Variants in DCAF8L2 observed in about 807,000 individuals in gnomAD.
DCAF8L2 encodes the protein DDB1- and CUL4-associated factor 8-like protein 2.
For missense variants in DCAF8L2, 430 were observed against 490.7 expected (o/e 0.88, Z 1.17); for synonymous variants, 200 against 190.9 (o/e 1.05, Z -0.39).
chrX:27,490,099 A>T, the DCAF8L2 span, among the ~76,000 whole-genome samples: 1 of 109,892 alleles, frequency 9.1e-6, no homozygotes, highest in South Asian at 3.8e-4. Context: ...CTGGTCTGAA[A>T]CTCCTGGGCT....
At chrX:27,626,800 A>G (rs954603382) in intron 1 of DCAF8L2, among the ~76,000 whole-genome samples, 2 of 111,805 alleles carry the variant, frequency 1.8e-5, no homozygotes, top group Admixed American at 1.9e-4. Context: ...TATAGGATTG[A>G]TTTAAAGGCA....
At chrX:27,620,458 A>G (rs958498646) in intron 1 of DCAF8L2, among the ~76,000 whole-genome samples, 2 of 111,998 alleles carry the variant, frequency 1.8e-5, no homozygotes, top group Non-Finnish European at 3.8e-5. Context: ...GGGAGAAAAT[A>G]TTTTCAAACC....
the DCAF8L2 span, among the ~76,000 whole-genome samples, chrX:27,507,479 A>G: frequency 1.8e-5 from 2 of 112,158 alleles, no homozygotes; most frequent in South Asian, 7.3e-4. Flanking sequence ...AGCGCAAACT[A>G]TAAAAGTGTT....
the DCAF8L2 span, among the ~76,000 whole-genome samples, chrX:27,564,550 AC>A: frequency 9.0e-6 from 1 of 110,855 alleles, no homozygotes. Flanking sequence ...ACACACACAC[AC>A]ACACACAGAA....
At chrX:27,615,963 T>C (rs887342277) in intron 1 of DCAF8L2, among the ~76,000 whole-genome samples, 8 of 111,179 alleles carry the variant, frequency 7.2e-5, no homozygotes, top group African/African-American at 1.3e-4. Context: ...ATAAGATAGA[T>C]AGATGGAAGA....
chrX:27,589,630 T>G (rs1925989459), upstream of DCAF8L2, among the ~76,000 whole-genome samples: 1 of 112,031 alleles, frequency 8.9e-6, no homozygotes, highest in Non-Finnish European at 1.9e-5. Context: ...TTATTTGAAT[T>G]TTATCTTCCC....
the DCAF8L2 span, among the ~76,000 whole-genome samples, chrX:27,527,546 G>A: frequency 9.9e-5 from 11 of 111,460 alleles, no homozygotes; most frequent in Admixed American, 6.7e-4. Context: ...CCCACTGTCC[G>A]ACAAGCCCCA....
chrX:27,505,566 A>G, the DCAF8L2 span, among the ~76,000 whole-genome samples: 1 of 111,667 alleles, frequency 9.0e-6, no homozygotes, highest in African/African-American at 3.2e-5. Flanking sequence ...TGATCACACA[A>G]TAGTATGGTA....
intron 1 of DCAF8L2, among the ~76,000 whole-genome samples, chrX:27,598,970 A>AT (rs1454052658): frequency 1.6e-3 from 131 of 82,233 alleles, no homozygotes; most frequent in East Asian, 0.011. Flanking sequence ...CAAAAAAAAA[A>AT]AAAAATATAT....
At chrX:27,696,268 GAGAAAGAA>G (rs565370286) in intron 3 of DCAF8L2, among the ~76,000 whole-genome samples, 7,669 of 74,599 alleles carry the variant, frequency 0.1, 406 homozygotes, top group South Asian at 0.14. Flanking sequence ...AAGAGAGAGA[GAGAAAGAA>G]AGAAAGAAAG....
chrX:27,690,365 C>T (rs1309129859), intron 3 of DCAF8L2, among the ~76,000 whole-genome samples: 1 of 111,377 alleles, frequency 9.0e-6, no homozygotes, highest in African/African-American at 3.3e-5. Context: ...GTAAATTAGG[C>T]TGGCTAAAAA....
intron 4 of DCAF8L2, among the ~76,000 whole-genome samples, chrX:27,741,562 C>A (rs908629769): frequency 3.6e-5 from 4 of 111,377 alleles, no homozygotes; most frequent in African/African-American, 1.3e-4. Context: ...GCTGCCTGTT[C>A]TGGATAAAAC....
At chrX:27,581,867 A>G in the DCAF8L2 span, among the ~76,000 whole-genome samples, 1 of 112,408 alleles carries the variant, frequency 8.9e-6, no homozygotes, top group African/African-American at 3.2e-5. Context: ...TACAGGCGTG[A>G]GCCGCTGTGC....
chrX:27,533,206 GAA>G, the DCAF8L2 span, among the ~76,000 whole-genome samples: 179 of 48,705 alleles, frequency 3.7e-3, 7 homozygotes, highest in African/African-American at 8.9e-3. Flanking sequence ...AAGAAAGAAA[GAA>G]AGAAAGAAAG....
intron 3 of DCAF8L2, among the ~76,000 whole-genome samples, chrX:27,713,346 TGAG>T (rs940568244): frequency 7.2e-5 from 8 of 111,588 alleles, no homozygotes; most frequent in African/African-American, 2.3e-4. Flanking sequence ...TGAAATAAGA[TGAG>T]GACTGAAAAT....
At chrX:27,579,072 A>G in the DCAF8L2 span, among the ~76,000 whole-genome samples, 1 of 111,869 alleles carries the variant, frequency 8.9e-6, no homozygotes, top group South Asian at 3.7e-4. Flanking sequence ...TACCCCAAAG[A>G]ATACAAATCA....
chrX:27,484,569 A>G, the DCAF8L2 span, among the ~76,000 whole-genome samples: 1 of 111,706 alleles, frequency 9.0e-6, no homozygotes, highest in Non-Finnish European at 1.9e-5. Context: ...ATTAGAATCA[A>G]ATCAGTCTTA....
intron 3 of DCAF8L2, among the ~76,000 whole-genome samples, chrX:27,678,905 T>C (rs1188682099): frequency 8.9e-6 from 1 of 111,757 alleles, no homozygotes; most frequent in Non-Finnish European, 1.9e-5. Flanking sequence ...AGGCTAAAGA[T>C]GTAAATGAAA....
chrX:27,697,610 T>A (rs1233944001), intron 3 of DCAF8L2, among the ~76,000 whole-genome samples: 3 of 111,699 alleles, frequency 2.7e-5, no homozygotes, highest in Non-Finnish European at 5.6e-5. Context: ...CTACTCTTTT[T>A]ATTTTTTTAC....
Sources: allele counts gnomAD v4.1 joint callset (sites outside exome capture counted in the v4.1 genomes callset), GRCh38; gene constraint gnomAD v4.1.1; transcripts MANE v1.5; gene names NCBI Gene and HGNC (gene_info 2026-07-23, HGNC 2026-07-21).